Variants in GABRB1 observed in about 807,000 individuals in gnomAD.
GABRB1 encodes gamma-aminobutyric acid receptor subunit beta-1.
GABRB1 carries 17 observed loss-of-function variants against 51.6 expected under a neutral mutation model. That is an observed-to-expected ratio of 0.33 (90% confidence interval 0.23 to 0.49). The LOEUF (loss-of-function observed/expected upper bound fraction) is 0.49, where lower values mean the gene tolerates loss of function less well. Among genes scored for constraint, GABRB1 ranks in the 20% least tolerant of loss-of-function variants. GABRB1 has a pLI of 0.99. For missense variants in GABRB1, 410 were observed against 600.6 expected (o/e 0.68, Z 3.32); for synonymous variants, 247 against 218.9 (o/e 1.13, Z -1.14).
chr4:47,216,959 C>T (rs1227783879), intron 4 of GABRB1, among the ~76,000 whole-genome samples: 1 of 151,750 alleles, frequency 6.6e-6, no homozygotes, highest in Non-Finnish European at 1.5e-5. Context: ...AAATATTTAT[C>T]AGCAAGAGAA....
upstream of GABRB1, among the ~76,000 whole-genome samples, chr4:47,026,783 A>T (rs1187217379): frequency 6.6e-6 from 1 of 152,104 alleles, no homozygotes; most frequent in Non-Finnish European, 1.5e-5. Flanking sequence ...GCATTTAATT[A>T]TACAGGAGAA....
chr4:47,027,418 G>A (rs948762651), upstream of GABRB1, among the ~76,000 whole-genome samples: 2 of 151,566 alleles, frequency 1.3e-5, no homozygotes, highest in Non-Finnish European at 3.0e-5. Flanking sequence ...CATGATACAA[G>A]TTTTATCCTC....
chr4:47,344,637 A>T lies in GABRB1; in HGVS notation c.544+24428A>T, dbSNP rs192880859. On this transcript the variant is annotated intron_variant, in intron 5 of 8. Transcript: ENST00000295454. ...TCATGCTTGGATTTACATTTTTTTA[A>T]AAAAAATCTTAAGTGTCAGTGGGGT... Among the ~76,000 whole-genome samples, 13 of 152,004 alleles carry T rather than the reference A, an allele frequency of 8.6e-5. No homozygotes were observed. The East Asian group carries it at 1.9e-3, about 23-fold the overall frequency.
intron 3 of GABRB1, among the ~76,000 whole-genome samples, chr4:47,044,353 T>C (rs1725992996): frequency 6.6e-6 from 1 of 152,078 alleles, no homozygotes; most frequent in Non-Finnish European, 1.5e-5. Flanking sequence ...AGTTTTGGTT[T>C]TACTCTTGAA....
At chr4:47,402,920 C>A (rs574619496) in intron 5 of GABRB1, among the ~76,000 whole-genome samples, 1 of 152,120 alleles carries the variant, frequency 6.6e-6, no homozygotes, top group Non-Finnish European at 1.5e-5. Context: ...ATCCATTTAA[C>A]AAATATGTGC....
chr4:47,054,884 C>T (rs779950926), intron 3 of GABRB1, among the ~76,000 whole-genome samples: 6 of 152,178 alleles, frequency 3.9e-5, no homozygotes, highest in Non-Finnish European at 7.3e-5. Context: ...TGCACCCGGA[C>T]ACTTTATGGA....
At chr4:46,995,422 C>T (rs1386245869) in intron 1 of GABRB1, among the ~76,000 whole-genome samples, 1 of 152,130 alleles carries the variant, frequency 6.6e-6, no homozygotes, top group African/African-American at 2.4e-5. Context: ...AGCAGTGGTA[C>T]CATCATAGTG....
At chr4:47,262,892 AG>A (rs1234655855) in intron 4 of GABRB1, among the ~76,000 whole-genome samples, 1 of 151,978 alleles carries the variant, frequency 6.6e-6, no homozygotes, top group East Asian at 1.9e-4. Context: ...TGTCCTTTGT[AG>A]GGACATGGAT....
intron 4 of GABRB1, among the ~76,000 whole-genome samples, chr4:47,205,857 G>A (rs1042829710): frequency 9.2e-5 from 14 of 152,058 alleles, no homozygotes; most frequent in Admixed American, 8.5e-4. Flanking sequence ...ATTTTGGGGA[G>A]ATGAGTGGTT....
At chr4:47,290,846 TG>T (rs1023037656) in intron 4 of GABRB1, among the ~76,000 whole-genome samples, 34 of 152,080 alleles carry the variant, frequency 2.2e-4, no homozygotes, top group African/African-American at 7.5e-4. Flanking sequence ...AAAGGTGACT[TG>T]GGTTCTGGTA....
At chr4:47,351,119 T>C (rs1007872011) in intron 5 of GABRB1, among the ~76,000 whole-genome samples, 6 of 152,212 alleles carry the variant, frequency 3.9e-5, no homozygotes, top group African/African-American at 1.4e-4. Flanking sequence ...CAACAAATAC[T>C]GTGTCCTACC....
chr4:47,279,229 T>C (rs981572678), intron 4 of GABRB1, among the ~76,000 whole-genome samples: 17 of 152,138 alleles, frequency 1.1e-4, no homozygotes, highest in Admixed American at 9.2e-4. Context: ...TTTTGGGATA[T>C]GGTCCAAGTT....
At chr4:47,373,471 C>T (rs1026288382) in intron 5 of GABRB1, among the ~76,000 whole-genome samples, 1 of 152,130 alleles carries the variant, frequency 6.6e-6, no homozygotes, top group Non-Finnish European at 1.5e-5. Flanking sequence ...ATATCCTAGC[C>T]TCAAGGACTC....
At chr4:47,306,045 T>C (rs1724456297) in intron 4 of GABRB1, among the ~76,000 whole-genome samples, 1 of 152,028 alleles carries the variant, frequency 6.6e-6, no homozygotes, top group Non-Finnish European at 1.5e-5. Flanking sequence ...GAACTTCATT[T>C]GAGAATTTAT....
At chr4:47,098,285 T>C (rs1389788573) in intron 3 of GABRB1, among the ~76,000 whole-genome samples, 1 of 152,066 alleles carries the variant, frequency 6.6e-6, no homozygotes, top group Non-Finnish European at 1.5e-5. Flanking sequence ...AGGTCTTCCT[T>C]CCCCACCCCA....
chr4:47,379,665 GT>G (rs1004419463), intron 5 of GABRB1, among the ~76,000 whole-genome samples: 1 of 152,122 alleles, frequency 6.6e-6, no homozygotes, highest in Non-Finnish European at 1.5e-5. Context: ...ACCATATGAG[GT>G]TGTTCTTTTA....
intron 3 of GABRB1, among the ~76,000 whole-genome samples, chr4:47,143,805 G>A (rs891731865): frequency 2.6e-5 from 4 of 151,728 alleles, no homozygotes; most frequent in African/African-American, 9.7e-5. Flanking sequence ...TACATGTCAG[G>A]CCTCCTTTTT....
chr4:47,059,461 G>T lies in GABRB1; in HGVS notation c.240+26977G>T, dbSNP rs530697177. Among the ~76,000 whole-genome samples the T allele has an allele frequency of 5.3e-4, 81 of 152,142 alleles. 1 individual carries two copies. Among genetic ancestry groups the T allele is most frequent in the South Asian group, 1.0e-3 (5 of 4,812 alleles). On this transcript the variant is annotated intron_variant, in intron 3 of 8. Transcript: ENST00000295454. Reference sequence around the variant, plus strand: ...AACTGGGACTACAGGCATGCAACACGGCACCTGGCTGATTTCTCTATTTTA... The same window carrying T: ...AACTGGGACTACAGGCATGCAACACTGCACCTGGCTGATTTCTCTATTTTA...
intron 8 of GABRB1, among the ~76,000 whole-genome samples, chr4:47,412,099 G>T (rs1728777468): frequency 6.6e-6 from 1 of 152,062 alleles, no homozygotes; most frequent in Admixed American, 6.6e-5. Context: ...GTTCTTATGG[G>T]ATCCTGTGCT....
Sources: gnomAD v4.1 joint callset for allele counts (sites outside exome capture counted in the v4.1 genomes callset) on GRCh38, gnomAD v4.1.1 for gene constraint, MANE v1.5 for transcripts, NCBI Gene and HGNC (gene_info 2026-07-23, HGNC 2026-07-21) for gene names.